Variants in POLE observed in about 807,000 individuals in gnomAD.
The protein encoded by POLE is DNA polymerase epsilon catalytic subunit A.
A neutral mutation model predicts 279.2 loss-of-function variants in POLE; 188 were observed. The observed-to-expected ratio is 0.67, with a 90% CI of 0.60 to 0.76. The LOEUF is 0.76. Among genes scored for constraint, POLE ranks in the 30% least tolerant of loss-of-function variants. The pLI, the probability that POLE is intolerant of heterozygous loss-of-function variation, is 0.00. For missense variants in POLE, 2,703 were observed against 3,016.7 expected (o/e 0.90, Z 2.44); for synonymous variants, 1,214 against 1,172.5 (o/e 1.04, Z -0.72).
Position 132,624,783 on chromosome 12 carries a change from G to A in POLE, c.6775C>T (p.Arg2259Trp), listed in dbSNP as rs866548835. The part of the protein sequence containing the change: ...QVFMEQIGIF[R>W]NIAQHYGMSY... ...ATGCCGTAGTGCTGGGCAATGTTCC[G>A]GAATATTCCGATCTGTTCCATGAAG... Residue 2259 changes from arginine to tryptophan, a missense_variant, in exon 49 of 49, where the codon CGG becomes TGG. Physicochemically the swap from Arg to Trp is moderately radical, Grantham distance 101. Transcript: ENST00000320574. 21 of 1,613,000 alleles carry A rather than the reference G, an allele frequency of 1.3e-5. No individual in the cohort carries two copies. The highest frequency in any genetic ancestry group is 2.7e-5 in the African/African-American group (2 of 74,892).
At chr12:132,683,099 T>C (rs1419681101) in intron 1 of POLE, among the ~76,000 whole-genome samples, 1 of 152,172 alleles carries the variant, frequency 6.6e-6, no homozygotes, top group Non-Finnish European at 1.5e-5. Context: ...TGAAAGATTA[T>C]AACCACTTGT....
At position 132,675,722 on chromosome 12, in the gene POLE, GAC is replaced by G. The variant is rs1565975550; in HGVS notation, c.1106+11_1106+12del. On this transcript the variant is annotated intron_variant, in intron 11 of 48. Coordinates refer to ENST00000320574, the MANE Select transcript of POLE (RefSeq NM_006231.4). This position sits in a 1 kb window ranked among gnomAD's most constrained non-coding sequence, Gnocchi z 4.3. ...ATGCTGCCCAGTTACTCATAGAGAAGACACAGACTCACCAGTCAAAAAAGTCC... is the reference window on the plus strand; with the variant it reads ...ATGCTGCCCAGTTACTCATAGAGAAGACAGACTCACCAGTCAAAAAAGTCC... 1 of 1,610,640 alleles carries G rather than the reference GAC, an allele frequency of 6.2e-7. No homozygotes were observed.
rs758489411 is a variant in POLE at position 132,642,921 on chromosome 12, G to C, written c.4627C>G (p.Pro1543Ala). 6 of 1,612,776 alleles carry C rather than the reference G, an allele frequency of 3.7e-6. No individual in the cohort carries two copies. The South Asian group carries it at 6.6e-5, about 18-fold the overall frequency. Residue 1543 changes from proline (P) to alanine (A), a missense_variant, in exon 36 of 49, where the codon CCT becomes GCT. Transcript: ENST00000320574. ...TGTTTGGGGGGTGGCAGGAGCTCAG[G>C]GCCCACCTTCTCCAGGAGGAGGCCG... ...EHGLLLEKVG[P>A]ELLPPPKHTF...
intron 29 of POLE, among the ~76,000 whole-genome samples, chr12:132,652,314 CTTTTT>C (rs11449205): frequency 6.3e-5 from 7 of 111,172 alleles, no homozygotes; most frequent in East Asian, 5.5e-4. Flanking sequence ...TTGTAGTTTC[CTTTTT>C]TTTTTTTTTT....
At chr12:132,647,814 G>A (rs576308073) in intron 32 of POLE, among the ~76,000 whole-genome samples, 1 of 152,136 alleles carries the variant, frequency 6.6e-6, no homozygotes, top group Non-Finnish European at 1.5e-5. Flanking sequence ...CTGTGGTCTC[G>A]ATGCCTCTGC....
chr12:132,646,901 G>A (rs147352651), intron 32 of POLE, among the ~76,000 whole-genome samples: 13 of 152,128 alleles, frequency 8.5e-5, no homozygotes, highest in African/African-American at 2.2e-4. Context: ...GTTTTGCCAC[G>A]TTGCCCAGGC....
In POLE at chr12:132,675,529, A is replaced by T. The variant is rs777062246; in HGVS notation, c.1107-12T>A. Reference sequence around the variant, plus strand: ...CCTCCACAAATGGCCTGGGTTGGAAAGAGGACAGACAAGCAAGTGGGCAGG... The same window carrying T: ...CCTCCACAAATGGCCTGGGTTGGAATGAGGACAGACAAGCAAGTGGGCAGG... On this transcript the variant is annotated splice_polypyrimidine_tract_variant and intron_variant, in intron 11 of 48. Transcript: ENST00000320574. This position sits in a 1 kb window ranked among gnomAD's most constrained non-coding sequence, Gnocchi z 4.3. 4.3e-6 allele frequency: 7 copies of T among 1,613,906 alleles called. No individual in the cohort carries two copies. In the South Asian group the frequency reaches 7.7e-5, roughly 18 times the overall value.
rs1160605236 is a variant in POLE, at chr12:132,641,557, T to C, written c.5378+90A>G. ...GCCATTAAGACTAAGGGAAGCCCAA[T>C]GGACCCTGTCTTAGACCTTAGCTTT... On this transcript the variant is annotated intron_variant, in intron 39 of 48. Coordinates refer to ENST00000320574, the MANE Select transcript of POLE (RefSeq NM_006231.4). The C allele has an allele frequency of 5.7e-5, 63 of 1,109,564 alleles. 1 individual carries two copies. The Middle Eastern group carries it at 2.6e-3, about 46-fold the overall frequency. 68.7% of individuals were successfully genotyped at this position (1,109,564 alleles called of 1,614,324 possible).
At chr12:132,682,583 G>A (rs912301516) in intron 1 of POLE, among the ~76,000 whole-genome samples, 5 of 152,176 alleles carry the variant, frequency 3.3e-5, no homozygotes, top group African/African-American at 9.7e-5. Flanking sequence ...TACACAAGAT[G>A]TTATGGTGAA....
At chr12:132,643,784 T>C in intron 33 of POLE, 53 bp downstream of exon 33, 2 of 1,591,206 alleles carry the variant, frequency 1.3e-6, no homozygotes, top group Non-Finnish European at 1.7e-6. Context: ...CTTTCCTCCA[T>C]ACCACCCTGC....
intron 41 of POLE, among the ~76,000 whole-genome samples, chr12:132,637,513 A>C (rs1394164579): frequency 6.6e-6 from 1 of 152,224 alleles, no homozygotes; most frequent in Non-Finnish European, 1.5e-5. Flanking sequence ...TGAGAAGCAC[A>C]GCAAGGCCTA....
At chr12:132,670,136 C>A (rs746587265) in intron 16 of POLE, among the ~76,000 whole-genome samples, 1 of 152,042 alleles carries the variant, frequency 6.6e-6, no homozygotes, top group South Asian at 2.1e-4. Flanking sequence ...CTTTGGGAGG[C>A]CAAGCGGGCA....
In POLE at chr12:132,679,658, T is replaced by A. The variant is rs1593085377; in HGVS notation, c.424-7A>T. On this transcript the variant is annotated splice_region_variant and splice_polypyrimidine_tract_variant and intron_variant, in intron 5 of 48. Coordinates refer to ENST00000320574, the MANE Select transcript of POLE (RefSeq NM_006231.4). ...AACCCACCAAGTGATTTGGCTATAA[T>A]GCGAAGAGATCACGCTCATTGGTTC... The A allele has an allele frequency of 6.2e-7, 1 of 1,605,390 alleles. No homozygotes were observed.
chr12:132,626,006 AG>A, intron 46 of POLE, 110 bp downstream of exon 46: 1 of 1,176,604 alleles, frequency 8.5e-7, no homozygotes, highest in Non-Finnish European at 1.2e-6. Flanking sequence ...TGTGAGTCAG[AG>A]GGGCAGCAGG....
At chr12:132,640,244 G>A (rs2042115563) in intron 39 of POLE, among the ~76,000 whole-genome samples, 1 of 152,144 alleles carries the variant, frequency 6.6e-6, no homozygotes, top group African/African-American at 2.4e-5. Flanking sequence ...CCCTACTCAC[G>A]GCACCCTCCC....
rs1251796496 is a variant in POLE, at chr12:132,672,759, G to A, written c.1554C>T (p.Asn518=). 3.7e-6 allele frequency: 6 copies of A among 1,614,220 alleles called. No individual in the cohort carries two copies. The highest frequency in any genetic ancestry group is 1.7e-5 in the Admixed American group (1 of 60,028). The stretch of plus-strand genomic sequence containing the variant: ...GCTTATTGAACTCCTGCTCTTGCTT[G>A]TTGGGGAAGATGATGTTGGCGTGGA... The part of the protein sequence containing the change: ...QAFHANIIFP[N]KQEQEFNKLT... Residue 518 remains asparagine (N), a synonymous_variant, in exon 15 of 49, where the codon AAC becomes AAT. Coordinates refer to ENST00000320574, the MANE Select transcript of POLE (RefSeq NM_006231.4).
At chr12:132,635,264 C>T (rs1299120451) in intron 42 of POLE, among the ~76,000 whole-genome samples, 1 of 152,204 alleles carries the variant, frequency 6.6e-6, no homozygotes, top group Non-Finnish European at 1.5e-5. Context: ...GCCTGGCCCG[C>T]ACCTGGGCAT....
At chr12:132,654,365 G>A (rs551369375) in intron 29 of POLE, among the ~76,000 whole-genome samples, 44 of 152,040 alleles carry the variant, frequency 2.9e-4, no homozygotes, top group Admixed American at 7.9e-4. Flanking sequence ...GAGCCACTGC[G>A]CCTGGCCTGT....
chr12:132,644,161 GTTAT>G (rs1565941016), intron 32 of POLE, among the ~76,000 whole-genome samples, 184 bp from the exon 33 acceptor site: 4 of 152,164 alleles, frequency 2.6e-5, no homozygotes, highest in South Asian at 2.1e-4. Flanking sequence ...TAATTTTTAT[GTTAT>G]TTATTTATTT....
Sources: gnomAD v4.1 joint callset for allele counts (sites outside exome capture counted in the v4.1 genomes callset) on GRCh38, gnomAD v4.1.1 for gene constraint, Gnocchi (gnomAD v3.1) non-coding constraint, MANE v1.5 for transcripts, NCBI Gene and HGNC (gene_info 2026-07-23, HGNC 2026-07-21) for gene names.